Variants in CALN1 observed in about 807,000 individuals in gnomAD.
The protein encoded by CALN1 is calneuron 1, also known as calcium-binding protein 8.
CALN1 carries 17 observed loss-of-function variants against 30.6 expected under a neutral mutation model. That is an observed-to-expected ratio of 0.56 (90% CI 0.38 to 0.83). CALN1 has a LOEUF of 0.83. Among genes scored for constraint, CALN1 ranks in the 40% least tolerant of loss-of-function variants. CALN1 has a pLI of 0.00. For synonymous variants in CALN1, 156 were observed against 131.4 expected (o/e 1.19, Z -1.28); for missense variants, 291 against 354.9 (o/e 0.82, Z 1.45).
At chr7:71,798,400 A>G (rs56260010) in intron 6 of CALN1, among the ~76,000 whole-genome samples, 23,890 of 151,884 alleles carry the variant, frequency 0.16, 2,958 homozygotes, top group African/African-American at 0.34. Flanking sequence ...CTACAGCCTC[A>G]ATCTCTTAGG....
chr7:72,430,644 T>C (rs945113000), intron 1 of CALN1, among the ~76,000 whole-genome samples: 2 of 152,142 alleles, frequency 1.3e-5, no homozygotes, highest in Admixed American at 6.6e-5. Context: ...GTAGGGCGCA[T>C]GCACTGACCA....
intron 5 of CALN1, among the ~76,000 whole-genome samples, chr7:71,996,147 C>A (rs1799241180): frequency 6.6e-6 from 1 of 152,094 alleles, no homozygotes; most frequent in South Asian, 2.1e-4. Flanking sequence ...AGAATCTAAA[C>A]CTAAACGAGG....
chr7:72,116,700 G>A (rs940101661), intron 3 of CALN1, among the ~76,000 whole-genome samples: 17 of 152,026 alleles, frequency 1.1e-4, no homozygotes, highest in Admixed American at 4.6e-4. Context: ...ATCTAGTGTC[G>A]AACAGGACTC....
intron 3 of CALN1, among the ~76,000 whole-genome samples, chr7:72,148,222 T>G: frequency 6.8e-6 from 1 of 146,750 alleles, no homozygotes; most frequent in Non-Finnish European, 1.5e-5. Context: ...AATGGATTGG[T>G]GCCCATCCCA....
At chr7:72,071,795 A>G (rs1294524306) in intron 4 of CALN1, among the ~76,000 whole-genome samples, 2 of 152,246 alleles carry the variant, frequency 1.3e-5, no homozygotes, top group African/African-American at 4.8e-5. Context: ...TGTCTTTCAA[A>G]AAGACCTACT....
At chr7:72,239,639 G>A (rs1010075017) in intron 3 of CALN1, among the ~76,000 whole-genome samples, 3 of 151,990 alleles carry the variant, frequency 2.0e-5, no homozygotes, top group Non-Finnish European at 2.9e-5. Flanking sequence ...AAATCCCCAA[G>A]GTGCATGGGT....
At chr7:71,984,298 G>A (rs1798552197) in intron 5 of CALN1, among the ~76,000 whole-genome samples, 1 of 152,180 alleles carries the variant, frequency 6.6e-6, no homozygotes. Flanking sequence ...TAGGAAGCCA[G>A]CCAAGTAGAA....
In CALN1 at chr7:72,273,921, CA is replaced by C. The variant is rs927952877; in HGVS notation, c.244+4764del. ...ATAGAAAAAAGCAATATAAATTATACAAAAAAAAAGTTTCATGCAAAAGAAA... is the reference window on the plus strand; with the variant it reads ...ATAGAAAAAAGCAATATAAATTATACAAAAAAAAGTTTCATGCAAAAGAAA... On this transcript the variant is annotated intron_variant, in intron 3 of 6. Coordinates refer to ENST00000395275, the MANE Select transcript of CALN1 (RefSeq NM_031468.4). Among the ~76,000 whole-genome samples, 17 of 150,014 alleles carry C rather than the reference CA, an allele frequency of 1.1e-4. No homozygotes were observed. The South Asian group carries it at 1.5e-3, about 13-fold the overall frequency.
intron 5 of CALN1, among the ~76,000 whole-genome samples, chr7:71,951,933 C>T (rs1296019349): frequency 6.6e-6 from 1 of 151,264 alleles, no homozygotes; most frequent in East Asian, 1.9e-4. Flanking sequence ...ACTGCTGCAG[C>T]CTTTTTTTTT....
At chr7:71,898,947 A>G (rs964606904) in intron 5 of CALN1, among the ~76,000 whole-genome samples, 4 of 152,154 alleles carry the variant, frequency 2.6e-5, no homozygotes, top group African/African-American at 9.6e-5. Context: ...AGAAGACAAA[A>G]TTACAGTTAT....
intron 2 of CALN1, among the ~76,000 whole-genome samples, chr7:72,304,378 G>A (rs535464877): frequency 2.6e-5 from 4 of 152,264 alleles, no homozygotes; most frequent in African/African-American, 9.6e-5. Context: ...TGTAATCCCA[G>A]CACTTTGGGA....
Position 72,078,309 on chromosome 7 carries a change from C to T in CALN1, c.388+27842G>A, listed in dbSNP as rs972005620. 3.9e-5 allele frequency among the ~76,000 whole-genome samples: 6 copies of T among 151,992 alleles called. 1 individual carries two copies. The highest frequency in any genetic ancestry group is 6.6e-5 in the Admixed American group (1 of 15,264). ...ATTAACCAAAAACACATACGACGAT[C>T]CCACCTGTACTCTGGGTCCCTCTGG... On this transcript the variant is annotated intron_variant, in intron 4 of 6. Transcript: ENST00000395275.
intron 2 of CALN1, among the ~76,000 whole-genome samples, chr7:72,331,147 C>T (rs557747386): frequency 2.6e-5 from 4 of 152,046 alleles, no homozygotes; most frequent in African/African-American, 9.6e-5. Flanking sequence ...GTCAGGAGTT[C>T]GAGACCAGCC....
chr7:72,021,176 G>A (rs1277218267), intron 5 of CALN1, among the ~76,000 whole-genome samples: 5 of 152,168 alleles, frequency 3.3e-5, no homozygotes, highest in Admixed American at 1.3e-4. Context: ...TTGGAAGGCT[G>A]AAGTGGGAGG....
At chr7:71,938,793 A>G (rs1795975845) in intron 5 of CALN1, among the ~76,000 whole-genome samples, 1 of 152,082 alleles carries the variant, frequency 6.6e-6, no homozygotes, top group Admixed American at 6.6e-5. Flanking sequence ...CTGTCTGAAA[A>G]AACAAACAAA....
rs1212905541 is a variant in CALN1, at chr7:72,010,813, AAAAAG to A, written c.501+12839_501+12843del. The stretch of plus-strand genomic sequence containing the variant: ...CAGAGGAGACCCTGTCTCAAAAAAA[AAAAAG>A]AAAAGAAAAGAAAAGAAAAAGAAAA... On this transcript the variant is annotated intron_variant, in intron 5 of 6. Coordinates refer to ENST00000395275, the MANE Select transcript of CALN1 (RefSeq NM_031468.4). Among the ~76,000 whole-genome samples the A allele has an allele frequency of 3.0e-3, 448 of 151,212 alleles. 1 individual carries two copies. Among genetic ancestry groups the A allele is most frequent in the Non-Finnish European group, 4.0e-3 (271 of 67,868 alleles).
At chr7:72,276,145 G>C (rs2129553856) in intron 3 of CALN1, among the ~76,000 whole-genome samples, 1 of 152,254 alleles carries the variant, frequency 6.6e-6, no homozygotes, top group South Asian at 2.1e-4. Flanking sequence ...AGATAGTGTT[G>C]CCCAGTTCTC....
chr7:72,086,694 A>G (rs55779681), intron 4 of CALN1, among the ~76,000 whole-genome samples: 2,518 of 152,262 alleles, frequency 0.017, 64 homozygotes, highest in African/African-American at 0.058. Flanking sequence ...TCAGCCTCCC[A>G]AAGTGCTGGG....
chr7:72,008,844 C>T (rs844735), intron 5 of CALN1, among the ~76,000 whole-genome samples: 23,439 of 151,690 alleles, frequency 0.15, 2,868 homozygotes, highest in East Asian at 0.38. Flanking sequence ...TTAGTGGAGA[C>T]GGGGTTTCAC....
Sources: allele counts gnomAD v4.1 joint callset (sites outside exome capture counted in the v4.1 genomes callset), GRCh38; gene constraint gnomAD v4.1.1; transcripts MANE v1.5; gene names NCBI Gene and HGNC (gene_info 2026-07-23, HGNC 2026-07-21).